Variants in MYO1E observed in about 807,000 individuals in gnomAD.
The protein encoded by MYO1E is unconventional myosin-Ie.
Under a neutral mutation model 151.1 loss-of-function variants are expected in MYO1E, and 68 were observed. The observed-to-expected ratio is 0.45, with a 90% CI of 0.37 to 0.55. The LOEUF is 0.55. MYO1E is among the 20% of genes least tolerant of loss of function. The probability of loss-of-function intolerance (pLI) is 0.00; values close to 1 mark genes in which losing one functional copy is unlikely to be tolerated. For synonymous variants in MYO1E, 601 were observed against 501.7 expected, an observed-to-expected ratio of 1.20 and a Z score of -2.64; for missense variants, 1,363 against 1,389.3, an observed-to-expected ratio of 0.98 and a Z score of 0.30.
Position 59,251,385 on chromosome 15 carries a change from G to GA in MYO1E, c.332+4898dup, listed in dbSNP as rs1195107198. 1.1e-4 allele frequency among the ~76,000 whole-genome samples: 17 copies of GA among 151,902 alleles called. No homozygotes were observed. The East Asian group carries it at 1.5e-3, about 14-fold the overall frequency. On this transcript the variant is annotated intron_variant, in intron 4 of 27. Transcript: ENST00000288235. ...GGTCTCTTCAAAAAGTCAGTGTCATGAAAAAAAACAGCAGTAATAGGGCAA... is the reference window on the plus strand; with the variant it reads ...GGTCTCTTCAAAAAGTCAGTGTCATGAAAAAAAAACAGCAGTAATAGGGCAA...
intron 19 of MYO1E, among the ~76,000 whole-genome samples, chr15:59,176,172 CCTCAGCCACCTGAGTAG>C (rs1224543643): frequency 6.6e-6 from 1 of 152,158 alleles, no homozygotes; most frequent in Admixed American, 6.5e-5. Flanking sequence ...CATTCTCCTG[CCTCAGCCACCTGAGTAG>C]CTGGGACTAC....
intron 18 of MYO1E, among the ~76,000 whole-genome samples, chr15:59,187,609 A>C (rs548685114): frequency 2.1e-4 from 32 of 152,356 alleles, no homozygotes; most frequent in Non-Finnish European, 4.3e-4. Flanking sequence ...ATGAAATATG[A>C]CCACATAAAA....
chr15:59,234,046 G>C (rs1378156087), intron 5 of MYO1E, among the ~76,000 whole-genome samples: 1 of 151,858 alleles, frequency 6.6e-6, no homozygotes, highest in Non-Finnish European at 1.5e-5. Context: ...TTACACATAT[G>C]GCTTGCTTCA....
At chr15:59,246,244 A>G (rs758349711) in intron 4 of MYO1E, among the ~76,000 whole-genome samples, 1 of 151,974 alleles carries the variant, frequency 6.6e-6, no homozygotes, top group Non-Finnish European at 1.5e-5. Flanking sequence ...CAGCTTTCCA[A>G]GTAGCTGGGA....
intron 1 of MYO1E, among the ~76,000 whole-genome samples, chr15:59,323,168 C>CACA (rs2080639134): frequency 3.1e-5 from 2 of 63,694 alleles, no homozygotes; most frequent in African/African-American, 1.1e-4. Context: ...GACCCCATCA[C>CACA]AAAAAAAAAA....
At chr15:59,201,354 A>G (rs11632420) in intron 16 of MYO1E, among the ~76,000 whole-genome samples, 2 of 151,134 alleles carry the variant, frequency 1.3e-5, no homozygotes, top group African/African-American at 4.9e-5. Flanking sequence ...TCGGCCTCCA[A>G]AAGTGTTGGG....
chr15:59,229,910 T>C (rs2080016158), intron 6 of MYO1E, among the ~76,000 whole-genome samples: 2 of 152,192 alleles, frequency 1.3e-5, no homozygotes, highest in African/African-American at 4.8e-5. Context: ...TATTGTTCTG[T>C]AATCTGTTTT....
At chr15:59,323,745 G>A (rs2080643680) in intron 1 of MYO1E, among the ~76,000 whole-genome samples, 1 of 152,152 alleles carries the variant, frequency 6.6e-6, no homozygotes, top group Non-Finnish European at 1.5e-5. Flanking sequence ...TGTGCTACAG[G>A]GCCCCAGCAC....
intron 5 of MYO1E, among the ~76,000 whole-genome samples, chr15:59,232,641 G>T (rs772000371): frequency 8.5e-5 from 13 of 152,164 alleles, no homozygotes; most frequent in Non-Finnish European, 1.3e-4. Context: ...GGTTAAACAT[G>T]TTCCAGAAAT....
At chr15:59,141,394 C>A (rs558530056) in intron 26 of MYO1E, among the ~76,000 whole-genome samples, 1 of 152,154 alleles carries the variant, frequency 6.6e-6, no homozygotes, top group African/African-American at 2.4e-5. Flanking sequence ...CTCCTGTATA[C>A]GTTAAATCAC....
chr15:59,185,304 G>A (rs1255510344), intron 18 of MYO1E, among the ~76,000 whole-genome samples: 3 of 151,924 alleles, frequency 2.0e-5, no homozygotes, highest in Non-Finnish European at 2.9e-5. Context: ...GTCTCACTCT[G>A]TCGCCCAGGC....
intron 1 of MYO1E, among the ~76,000 whole-genome samples, chr15:59,312,162 C>T (rs959021820): frequency 1.3e-5 from 2 of 152,180 alleles, no homozygotes; most frequent in African/African-American, 4.8e-5. Flanking sequence ...AGTTCAAGAA[C>T]ACACATAAGA....
Position 59,272,380 on chromosome 15 carries a change from C to G in MYO1E, c.73G>C (p.Val25Leu). 1.2e-6 allele frequency: 2 copies of G among 1,614,048 alleles called. No homozygotes were observed. Among genetic ancestry groups the G allele is most frequent in the Non-Finnish European group, 1.7e-6 (2 of 1,179,884 alleles). The change falls in exon 2 of 28, where the codon GTG becomes CTG. Residue 25 changes from valine (V) to leucine (L), a missense_variant. By Grantham distance (32) the Val-to-Leu change is conservative. Coordinates refer to ENST00000288235, the MANE Select transcript of MYO1E (RefSeq NM_004998.4). ...TTCTCTGTGATCTTGGACAGTAGCA[C>G]CATGTCGTCCACACCACTGTGCTTG... ...NVKHSGVDDM[V>L]LLSKITENSI...
chr15:59,151,036 C>CGG (rs2079473393), intron 26 of MYO1E, among the ~76,000 whole-genome samples: 1 of 139,516 alleles, frequency 7.2e-6, no homozygotes, highest in African/African-American at 2.8e-5. Flanking sequence ...CACACACACA[C>CGG]ACACACACAC....
At chr15:59,191,913 C>G (rs1417176225) in intron 17 of MYO1E, among the ~76,000 whole-genome samples, 1 of 152,190 alleles carries the variant, frequency 6.6e-6, no homozygotes, top group Admixed American at 6.5e-5. Flanking sequence ...CTAGAGAACT[C>G]TGCAAGGCAG....
At chr15:59,244,826 C>G (rs2080120218) in intron 4 of MYO1E, among the ~76,000 whole-genome samples, 1 of 152,136 alleles carries the variant, frequency 6.6e-6, no homozygotes, top group East Asian at 1.9e-4. Flanking sequence ...TAAAAGGATG[C>G]AAAGCAAGTA....
At position 59,208,824 on chromosome 15, in the gene MYO1E, G is replaced by A; in HGVS notation, c.1387C>T (p.Leu463=). The part of the protein sequence containing the change: ...KVNPPGIMSI[L]DDVCATMHAV... Reference sequence around the variant, plus strand: ...TGCATCGTGGCGCACACGTCATCCAGGATGCTCATGATGCCAGGAGGGTTC... The same window carrying A: ...TGCATCGTGGCGCACACGTCATCCAAGATGCTCATGATGCCAGGAGGGTTC... Residue 463 remains leucine, a synonymous_variant, in exon 14 of 28, where the codon CTG becomes TTG. Transcript: ENST00000288235. 1.9e-6 allele frequency: 3 copies of A among 1,614,202 alleles called. No homozygotes were observed. Among genetic ancestry groups the A allele is most frequent in the Non-Finnish European group, 2.5e-6 (3 of 1,180,048 alleles).
At chr15:59,218,323 G>A (rs1220818074) in intron 9 of MYO1E, 2 of 646,164 alleles carry the variant, frequency 3.1e-6, no homozygotes, top group East Asian at 6.2e-5. Context: ...TATGATGACT[G>A]AGACTTCCAA....
chr15:59,314,851 G>A (rs1410080099), intron 1 of MYO1E, among the ~76,000 whole-genome samples: 2 of 152,124 alleles, frequency 1.3e-5, no homozygotes, highest in Non-Finnish European at 2.9e-5. Flanking sequence ...ACTGCTGGAG[G>A]TAGAGGGGCT....
Sources: gnomAD v4.1 joint callset for allele counts (sites outside exome capture counted in the v4.1 genomes callset) on GRCh38, gnomAD v4.1.1 for gene constraint, MANE v1.5 for transcripts, NCBI Gene and HGNC (gene_info 2026-07-23, HGNC 2026-07-21) for gene names.